Variants in IL34 observed in about 807,000 individuals in gnomAD.
The protein encoded by IL34 is interleukin-34.
A neutral mutation model predicts 25.3 loss-of-function variants in IL34; 17 were observed. That is an observed-to-expected ratio of 0.67 (90% CI 0.46 to 1.01). The LOEUF is 1.01. Ranked by LOEUF, IL34 falls within the 50% of genes least tolerant of loss-of-function variation. The probability of loss-of-function intolerance (pLI) is 0.00; values close to 1 mark genes in which losing one functional copy is unlikely to be tolerated. For synonymous variants in IL34, 174 were observed against 140.9 expected (o/e 1.23, Z -1.66); for missense variants, 368 against 312.9 (o/e 1.18, Z -1.33).
At chr16:70,615,080 C>G (rs1597747758) in intron 1 of IL34, among the ~76,000 whole-genome samples, 1 of 152,218 alleles carries the variant, frequency 6.6e-6, no homozygotes, top group African/African-American at 2.4e-5. Flanking sequence ...AAAACAGAAA[C>G]TCCTGATCTA....
chr16:70,651,152 T>C (rs1416506974), intron 1 of IL34, among the ~76,000 whole-genome samples: 2 of 151,480 alleles, frequency 1.3e-5, no homozygotes, highest in Non-Finnish European at 2.9e-5. Flanking sequence ...TGGGGGCTGA[T>C]GCAGAAAGGG....
intron 1 of IL34, among the ~76,000 whole-genome samples, chr16:70,634,330 T>C (rs1198648727): frequency 6.6e-6 from 1 of 152,138 alleles, no homozygotes; most frequent in African/African-American, 2.4e-5. Flanking sequence ...AGTACAGATA[T>C]GTTTTATTGA....
chr16:70,646,446 G>C (rs868836955), upstream of IL34: 1 of 155,942 alleles, frequency 6.4e-6, no homozygotes, highest in Non-Finnish European at 1.4e-5. Context: ...CCAGGGCCGG[G>C]TGGTCCTGTG....
intron 1 of IL34, among the ~76,000 whole-genome samples, chr16:70,586,857 A>G (rs1338521003): frequency 1.3e-5 from 2 of 152,190 alleles, no homozygotes; most frequent in African/African-American, 4.8e-5. Flanking sequence ...GGCAGTGATG[A>G]GATGTGACCC....
At chr16:70,587,063 G>A (rs2050703373) in intron 1 of IL34, among the ~76,000 whole-genome samples, 1 of 152,224 alleles carries the variant, frequency 6.6e-6, no homozygotes, top group Non-Finnish European at 1.5e-5. Flanking sequence ...TCAGGGTCAA[G>A]TAGGTCAGGG....
At chr16:70,657,514 C>A (rs1388054101) in intron 4 of IL34, among the ~76,000 whole-genome samples, 2 of 152,106 alleles carry the variant, frequency 1.3e-5, no homozygotes, top group Non-Finnish European at 2.9e-5. Flanking sequence ...ATGCTGCAGG[C>A]CGGGCGCGGC....
At chr16:70,599,191 G>C (rs1397147324) in intron 1 of IL34, among the ~76,000 whole-genome samples, 2 of 152,184 alleles carry the variant, frequency 1.3e-5, no homozygotes, top group African/African-American at 4.8e-5. Flanking sequence ...GTGAAATTCT[G>C]CTGGCAAGCA....
At chr16:70,649,697 C>T (rs1307721177) in intron 1 of IL34, among the ~76,000 whole-genome samples, 3 of 152,234 alleles carry the variant, frequency 2.0e-5, no homozygotes, top group Non-Finnish European at 4.4e-5. Flanking sequence ...TGTCACTGCA[C>T]ATAGGGTCAA....
intron 1 of IL34, among the ~76,000 whole-genome samples, chr16:70,602,348 T>G (rs2151818748): frequency 6.6e-6 from 1 of 152,244 alleles, no homozygotes; most frequent in Admixed American, 6.5e-5. Flanking sequence ...TTGCCAAACT[T>G]TCTGAGCTTT....
chr16:70,627,678 C>T (rs1006623911), intron 1 of IL34, among the ~76,000 whole-genome samples: 9 of 152,144 alleles, frequency 5.9e-5, no homozygotes, highest in African/African-American at 2.2e-4. Context: ...CTATGTTGTC[C>T]AAGCTGGTCT....
chr16:70,618,401 C>A (rs1472354204), intron 1 of IL34, among the ~76,000 whole-genome samples: 3 of 151,944 alleles, frequency 2.0e-5, no homozygotes, highest in African/African-American at 7.3e-5. Context: ...TTGTGGGAGA[C>A]TCAACAAAGA....
chr16:70,616,783 A>C (rs1050464289), intron 1 of IL34, among the ~76,000 whole-genome samples: 1 of 152,168 alleles, frequency 6.6e-6, no homozygotes, highest in Non-Finnish European at 1.5e-5. Context: ...GGAACAAATC[A>C]CAATGGTGGA....
intron 2 of IL34, among the ~76,000 whole-genome samples, chr16:70,654,949 G>C (rs919316614): frequency 6.6e-6 from 1 of 152,144 alleles, no homozygotes; most frequent in African/African-American, 2.4e-5. Flanking sequence ...TGGACACCTG[G>C]AGCTCTTTGA....
At chr16:70,629,250 A>G (rs1042449050) in intron 1 of IL34, among the ~76,000 whole-genome samples, 3 of 152,200 alleles carry the variant, frequency 2.0e-5, no homozygotes, top group African/African-American at 7.2e-5. Context: ...TAGTGAGCAT[A>G]CTTGTATTGC....
chr16:70,623,924 A>G (rs1291571160), intron 1 of IL34, among the ~76,000 whole-genome samples: 2 of 146,476 alleles, frequency 1.4e-5, no homozygotes, highest in African/African-American at 5.0e-5. Flanking sequence ...CTTGAAAAGA[A>G]GGTAATGTGG....
intron 1 of IL34, among the ~76,000 whole-genome samples, chr16:70,619,127 G>GGA (rs771307867): frequency 3.3e-5 from 5 of 152,106 alleles, no homozygotes; most frequent in Non-Finnish European, 7.4e-5. Context: ...GGAATTGTAA[G>GGA]GAGTTTATAG....
rs186963456 is a variant in IL34 at position 70,595,912 on chromosome 16, G to A, written c.-401+15863G>A. 6.3e-4 allele frequency among the ~76,000 whole-genome samples: 96 copies of A among 152,046 alleles called. 1 individual carries two copies. The highest frequency in any genetic ancestry group is 2.2e-3 in the African/African-American group (92 of 41,476). On this transcript the variant is annotated intron_variant, in intron 1 of 6. Transcript: ENST00000429149. ...TGTAGTCTCAGCTACTCAGGAGGCT[G>A]AGACAGGAGAATTGCTGGAACTTGG...
intron 1 of IL34, among the ~76,000 whole-genome samples, chr16:70,597,324 G>A (rs1287885950): frequency 6.6e-6 from 1 of 151,850 alleles, no homozygotes; most frequent in Non-Finnish European, 1.5e-5. Flanking sequence ...GGGCTTAAGC[G>A]ATACTCCTGC....
intron 1 of IL34, among the ~76,000 whole-genome samples, chr16:70,601,365 C>G (rs1017958043): frequency 6.6e-6 from 1 of 152,130 alleles, no homozygotes; most frequent in Non-Finnish European, 1.5e-5. Flanking sequence ...CCTCGGCCTT[C>G]CAAAGTGCTG....
Sources: allele counts gnomAD v4.1 joint callset (sites outside exome capture counted in the v4.1 genomes callset), GRCh38; gene constraint gnomAD v4.1.1; transcripts MANE v1.5; gene names NCBI Gene and HGNC (gene_info 2026-07-23, HGNC 2026-07-21).